ALK: variants seen among roughly 807,000 people sequenced by gnomAD.
ALK encodes the protein ALK receptor tyrosine kinase.
In ALK, 74 loss-of-function variants were observed where a neutral mutation model predicts 163.1. The observed-to-expected ratio is 0.45, with a 90% CI of 0.38 to 0.55. The LOEUF (loss-of-function observed/expected upper bound fraction) is 0.55. ALK is among the 20% of genes least tolerant of loss of function. The probability of loss-of-function intolerance (pLI) is 0.00; values close to 1 mark genes in which losing one functional copy is unlikely to be tolerated. For missense variants in ALK, 2,063 were observed against 2,105.3 expected (o/e 0.98, Z 0.39); for synonymous variants, 960 against 843.2 (o/e 1.14, Z -2.40).
chr2:29,573,275 G>A (rs1276933918), intron 3 of ALK, among the ~76,000 whole-genome samples: 1 of 152,146 alleles, frequency 6.6e-6, no homozygotes, highest in Non-Finnish European at 1.5e-5. Flanking sequence ...ATATAGTTAT[G>A]CGTTGGTTTG....
At chr2:29,754,603 T>C (rs146395746) in intron 1 of ALK, among the ~76,000 whole-genome samples, 91 of 152,022 alleles carry the variant, frequency 6.0e-4, no homozygotes, top group African/African-American at 2.0e-3. Flanking sequence ...AGTGGGAGGA[T>C]CGCTTGAGTT....
chr2:29,745,561 C>T (rs866446981), intron 1 of ALK, among the ~76,000 whole-genome samples: 2 of 152,300 alleles, frequency 1.3e-5, no homozygotes, highest in Non-Finnish European at 2.9e-5. Flanking sequence ...TCGTGTCTAC[C>T]TTATGCACTA....
chr2:29,843,061 G>A (rs1665743012), intron 1 of ALK, among the ~76,000 whole-genome samples: 1 of 152,162 alleles, frequency 6.6e-6, no homozygotes, highest in Non-Finnish European at 1.5e-5. Flanking sequence ...GGACCAAATG[G>A]CAGGGGCAGA....
chr2:29,590,931 C>T (rs1195781911), intron 3 of ALK, among the ~76,000 whole-genome samples: 3 of 151,518 alleles, frequency 2.0e-5, no homozygotes, highest in African/African-American at 7.3e-5. Context: ...ATTAGCCGGG[C>T]GTGTTGGCGG....
At chr2:29,296,746 T>TGC in intron 9 of ALK, 142 bp downstream of exon 9, 5 of 857,058 alleles carry the variant, frequency 5.8e-6, no homozygotes, top group Non-Finnish European at 9.4e-6. Flanking sequence ...TGTGTGCACG[T>TGC]GCGTGCACGC....
At chr2:29,647,110 TC>T (rs1676898807) in intron 3 of ALK, among the ~76,000 whole-genome samples, 1 of 152,174 alleles carries the variant, frequency 6.6e-6, no homozygotes, top group African/African-American at 2.4e-5. Context: ...AGTTTCACAT[TC>T]TTCTGGGCTT....
intron 4 of ALK, among the ~76,000 whole-genome samples, chr2:29,408,207 C>T (rs911949527): frequency 6.6e-6 from 1 of 151,400 alleles, no homozygotes; most frequent in Non-Finnish European, 1.5e-5. Flanking sequence ...CTCAGCCTCT[C>T]GAGTACCTGG....
chr2:29,611,244 G>A (rs1018072700), intron 3 of ALK, among the ~76,000 whole-genome samples: 1 of 152,168 alleles, frequency 6.6e-6, no homozygotes, highest in Non-Finnish European at 1.5e-5. Context: ...GATGGTGTGG[G>A]ACAGCACAAA....
intron 4 of ALK, among the ~76,000 whole-genome samples, chr2:29,399,035 G>A (rs1254021054): frequency 2.6e-5 from 4 of 152,144 alleles, no homozygotes; most frequent in Non-Finnish European, 4.4e-5. Flanking sequence ...TTGGAAACCT[G>A]CCAATGATGT....
intron 9 of ALK, among the ~76,000 whole-genome samples, chr2:29,288,486 C>T (rs916491376): frequency 3.9e-5 from 6 of 152,174 alleles, no homozygotes; most frequent in African/African-American, 7.2e-5. Flanking sequence ...GACCTCTTCA[C>T]GGCTGACAGG....
At chr2:29,845,053 G>A (rs1266923432) in intron 1 of ALK, among the ~76,000 whole-genome samples, 1 of 152,130 alleles carries the variant, frequency 6.6e-6, no homozygotes, top group Admixed American at 6.5e-5. Context: ...AGTCCCAGGG[G>A]GTTATGGATG....
intron 5 of ALK, among the ~76,000 whole-genome samples, chr2:29,352,620 T>C (rs908454460): frequency 6.6e-6 from 1 of 152,328 alleles, no homozygotes; most frequent in Admixed American, 6.5e-5. Context: ...TATTGTGACG[T>C]TGACCGATCA....
rs745390287 is a variant in ALK at position 29,193,430 on chromosome 2, C to G, written c.4657G>C (p.Ala1553Pro). The stretch of plus-strand genomic sequence containing the variant: ...GAAGAGGGCTCTAGGAGCAGTGAGG[C>G]CCCCGGAAGTCTCCCAGTTGCAACG... ...PNVATGRLPG[A>P]SLLLEPSSLT... Residue 1553 changes from alanine to proline, a missense_variant, in exon 29 of 29, where the codon GCC becomes CCC. Ala to Pro is a conservative substitution (Grantham distance 27). This residue lies in a region of ALK where 403 missense variants were observed against 366.2 expected (regional missense o/e 1.10). Coordinates refer to ENST00000389048, the MANE Select transcript of ALK (RefSeq NM_004304.5). 6.2e-7 allele frequency: 1 copy of G among 1,614,164 alleles called. No individual in the cohort carries two copies. The highest frequency in any genetic ancestry group is 1.7e-5 in the Admixed American group (1 of 60,026).
At chr2:29,337,581 G>A (rs1404750420) in intron 5 of ALK, among the ~76,000 whole-genome samples, 1 of 152,112 alleles carries the variant, frequency 6.6e-6, no homozygotes, top group African/African-American at 2.4e-5. Flanking sequence ...GATCTGGGTG[G>A]GGAGCTTGGA....
intron 1 of ALK, among the ~76,000 whole-genome samples, chr2:29,836,338 T>C (rs1051966985): frequency 2.6e-5 from 4 of 152,182 alleles, no homozygotes; most frequent in Admixed American, 1.3e-4. Context: ...CTCTTGCTCA[T>C]ACTACCCGGC....
intron 4 of ALK, among the ~76,000 whole-genome samples, chr2:29,514,449 A>G (rs1326571346): frequency 6.6e-6 from 1 of 152,106 alleles, no homozygotes; most frequent in Non-Finnish European, 1.5e-5. Context: ...GAATTGAACA[A>G]TGAGAATTTC....
At chr2:29,307,340 T>C (rs942356566) in intron 8 of ALK, among the ~76,000 whole-genome samples, 5 of 152,196 alleles carry the variant, frequency 3.3e-5, no homozygotes, top group African/African-American at 1.2e-4. Flanking sequence ...TGAATTCCAA[T>C]AGTAGAGACA....
intron 8 of ALK, among the ~76,000 whole-genome samples, chr2:29,314,180 C>T (rs1301728529): frequency 6.6e-6 from 1 of 152,108 alleles, no homozygotes; most frequent in South Asian, 2.1e-4. Context: ...AAATTCCCTG[C>T]CTTCGGGTGC....
rs570519583 is a variant in ALK, at chr2:29,587,515, G to T, written c.953-55399C>A. 3.3e-5 allele frequency among the ~76,000 whole-genome samples: 5 copies of T among 152,238 alleles called. No individual in the cohort carries two copies. In the South Asian group the frequency reaches 1.0e-3, roughly 32 times the overall value. ...GGTGAACTAGTTGGAGGATCCAAAG[G>T]TCCAGGCCCCTAAAAAACCCTTCTC... is the stretch of plus-strand genomic sequence containing the variant. On this transcript the variant is annotated intron_variant, in intron 3 of 28. Transcript: ENST00000389048.
Sources: allele counts gnomAD v4.1 joint callset (sites outside exome capture counted in the v4.1 genomes callset), GRCh38; gene constraint gnomAD v4.1.1; regional missense constraint gnomAD v4.1.1; transcripts MANE v1.5; gene names NCBI Gene and HGNC (gene_info 2026-07-23, HGNC 2026-07-21).